Variants in LCLAT1 observed in about 807,000 individuals in gnomAD.
LCLAT1 encodes the protein 1-AGP acyltransferase 8.
A neutral mutation model predicts 30.7 loss-of-function variants in LCLAT1; 11 were observed. The ratio of observed to expected loss-of-function variants is 0.36; its 90% CI spans 0.23 to 0.59. The LOEUF (loss-of-function observed/expected upper bound fraction) is 0.59. Among genes scored for constraint, LCLAT1 ranks in the 20% least tolerant of loss-of-function variants. The pLI is 0.77. For synonymous variants in LCLAT1, 155 were observed against 151.3 expected (o/e 1.02, Z -0.18); for missense variants, 402 against 458.6 (o/e 0.88, Z 1.13).
intron 5 of LCLAT1, among the ~76,000 whole-genome samples, chr2:30,618,228 A>C (rs1455170150): frequency 6.6e-6 from 1 of 151,920 alleles, no homozygotes; most frequent in Non-Finnish European, 1.5e-5. Flanking sequence ...TTCTTTTTCA[A>C]AATTGTTTTC....
At position 30,524,274 on chromosome 2, in the gene LCLAT1, A is replaced by G. The variant is rs184987259; in HGVS notation, c.-4-1313A>G. On this transcript the variant is annotated intron_variant, in intron 1 of 5. Coordinates refer to ENST00000379509, the MANE Select transcript of LCLAT1 (RefSeq NM_001002257.3). The stretch of plus-strand genomic sequence containing the variant: ...GTAATCCTTTGGAAATAGCCAGTGA[A>G]GAGTCTAAGTTCTACTTAATCCTTC... Among the ~76,000 whole-genome samples the G allele has an allele frequency of 1.3e-3, 198 of 152,354 alleles. 1 individual carries two copies. The highest frequency in any genetic ancestry group is 1.9e-3 in the Non-Finnish European group (131 of 68,032).
chr2:30,589,423 A>AT (rs1167692578), intron 5 of LCLAT1, among the ~76,000 whole-genome samples: 1 of 152,010 alleles, frequency 6.6e-6, no homozygotes, highest in African/African-American at 2.4e-5. Context: ...GAGTATGTTT[A>AT]TCCTAAATCA....
intron 5 of LCLAT1, among the ~76,000 whole-genome samples, chr2:30,614,339 CAGA>C (rs1314482558): frequency 3.4e-5 from 5 of 149,142 alleles, no homozygotes; most frequent in Non-Finnish European, 5.9e-5. Context: ...AATCTCAAGG[CAGA>C]AGAATTTTTC....
intron 1 of LCLAT1, among the ~76,000 whole-genome samples, chr2:30,471,743 C>A (rs1021157036): frequency 4.6e-4 from 66 of 144,794 alleles, no homozygotes; most frequent in African/African-American, 1.6e-3. Context: ...TACCCTTCAA[C>A]TTTGCTGAAT....
chr2:30,486,509 T>A (rs1451585726), intron 1 of LCLAT1, among the ~76,000 whole-genome samples: 6 of 152,200 alleles, frequency 3.9e-5, no homozygotes, highest in Non-Finnish European at 8.8e-5. Flanking sequence ...CCTCTCACTC[T>A]TCCAGTGTAC....
chr2:30,574,261 T>C (rs529395842), intron 5 of LCLAT1, among the ~76,000 whole-genome samples: 1 of 152,294 alleles, frequency 6.6e-6, no homozygotes, highest in South Asian at 2.1e-4. Context: ...AAACATGTTA[T>C]AAGTTTCTAC....
At chr2:30,615,820 A>T (rs973493594) in intron 5 of LCLAT1, among the ~76,000 whole-genome samples, 3 of 152,214 alleles carry the variant, frequency 2.0e-5, no homozygotes, top group Non-Finnish European at 4.4e-5. Context: ...TACTGCAAAA[A>T]ACACATCAAG....
intron 1 of LCLAT1, among the ~76,000 whole-genome samples, chr2:30,477,005 T>C (rs1683077123): frequency 6.6e-6 from 1 of 152,250 alleles, no homozygotes; most frequent in Admixed American, 6.5e-5. Context: ...GCCCATAAGG[T>C]ATTTTACTTA....
intron 3 of LCLAT1, among the ~76,000 whole-genome samples, chr2:30,545,607 G>A (rs1664366967): frequency 6.6e-6 from 1 of 152,058 alleles, no homozygotes; most frequent in Non-Finnish European, 1.5e-5. Flanking sequence ...TAACTAAACT[G>A]TTTAGAATTT....
chr2:30,532,128 AT>A (rs1454350537), intron 2 of LCLAT1, among the ~76,000 whole-genome samples: 1 of 152,038 alleles, frequency 6.6e-6, no homozygotes, highest in Admixed American at 6.6e-5. Context: ...TATTGTATAT[AT>A]TTTTGTTTGT....
chr2:30,556,524 G>A lies in LCLAT1; in HGVS notation c.365-5622G>A, dbSNP rs200939231. On this transcript the variant is annotated intron_variant, in intron 3 of 5. Transcript: ENST00000379509. ...AACATAAAATGAGCTATCAGGAAAA[G>A]AAAAAAAAATCCCAATAAATGTGAA... is the stretch of plus-strand genomic sequence containing the variant. Among the ~76,000 whole-genome samples the A allele has an allele frequency of 2.3e-4, 34 of 150,974 alleles. 1 individual carries two copies. Among genetic ancestry groups the A allele is most frequent in the Middle Eastern group, 3.4e-3 (1 of 292 alleles).
intron 5 of LCLAT1, among the ~76,000 whole-genome samples, chr2:30,604,009 C>A (rs994906768): frequency 1.3e-5 from 2 of 152,008 alleles, no homozygotes; most frequent in Non-Finnish European, 2.9e-5. Context: ...GAATATTTAC[C>A]TGGCTGTATA....
intron 5 of LCLAT1, among the ~76,000 whole-genome samples, chr2:30,586,489 G>T (rs761806386): frequency 9.2e-5 from 14 of 152,078 alleles, no homozygotes; most frequent in Non-Finnish European, 1.9e-4. Flanking sequence ...TTCTTTTAAG[G>T]ATACCACTCA....
intron 3 of LCLAT1, among the ~76,000 whole-genome samples, chr2:30,542,700 A>G (rs1664197859): frequency 6.6e-6 from 1 of 152,066 alleles, no homozygotes; most frequent in Admixed American, 6.5e-5. Flanking sequence ...AGTTTTTCAT[A>G]TAAAGGTCTT....
chr2:30,523,359 G>A lies in LCLAT1; in HGVS notation c.-4-2228G>A, dbSNP rs183597038. 2.2e-3 allele frequency among the ~76,000 whole-genome samples: 336 copies of A among 152,056 alleles called. 1 individual carries two copies. Among genetic ancestry groups the A allele is most frequent in the African/African-American group, 6.8e-3 (280 of 41,440 alleles). ...TCAGAGAAAACAAAGTTGAGGATAG[G>A]TGGTAACACAGACCACTCTAGGCCC... is the stretch of plus-strand genomic sequence containing the variant. On this transcript the variant is annotated intron_variant, in intron 1 of 5. Coordinates refer to ENST00000379509, the MANE Select transcript of LCLAT1 (RefSeq NM_001002257.3).
intron 1 of LCLAT1, among the ~76,000 whole-genome samples, chr2:30,448,063 A>G (rs1199838009): frequency 1.3e-5 from 2 of 152,202 alleles, no homozygotes; most frequent in African/African-American, 4.8e-5. Flanking sequence ...GTGGTTGTGG[A>G]GATGTTTTGC....
intron 1 of LCLAT1, among the ~76,000 whole-genome samples, chr2:30,524,206 T>G (rs1042526072): frequency 6.6e-5 from 10 of 152,226 alleles, no homozygotes; most frequent in African/African-American, 2.4e-4. Flanking sequence ...AGCATTTATT[T>G]TAAAACATCT....
chr2:30,619,598 C>A (rs963194762), intron 5 of LCLAT1, among the ~76,000 whole-genome samples: 1 of 152,196 alleles, frequency 6.6e-6, no homozygotes, highest in Non-Finnish European at 1.5e-5. Context: ...TTGGGATTAA[C>A]TGAAAAACTG....
intron 5 of LCLAT1, among the ~76,000 whole-genome samples, chr2:30,609,130 A>G (rs1354225775): frequency 4.0e-5 from 6 of 151,078 alleles, no homozygotes; most frequent in Non-Finnish European, 7.4e-5. Context: ...TGGGATTACT[A>G]TAGTGACTTG....
Sources: gnomAD v4.1 joint callset for allele counts (sites outside exome capture counted in the v4.1 genomes callset) on GRCh38, gnomAD v4.1.1 for gene constraint, MANE v1.5 for transcripts, NCBI Gene and HGNC (gene_info 2026-07-23, HGNC 2026-07-21) for gene names.